Variants in MTF1 observed in about 807,000 individuals in gnomAD.
The protein encoded by MTF1 is MRE-binding transcription factor.
A neutral mutation model predicts 70.4 loss-of-function variants in MTF1; 22 were observed. That is an observed-to-expected ratio of 0.31 (90% confidence interval 0.22 to 0.45). The LOEUF is 0.45. MTF1 is among the 20% of genes least tolerant of loss of function. The pLI, the probability that MTF1 is intolerant of heterozygous loss-of-function variation, is 1.00. For missense variants in MTF1, 649 were observed against 922.0 expected (o/e 0.70, Z 3.83); for synonymous variants, 333 against 352.8 (o/e 0.94, Z 0.63).
Position 37,822,140 on chromosome 1 carries a change from G to A in MTF1, c.1748C>T (p.Pro583Leu), listed in dbSNP as rs1164170148. The A allele has an allele frequency of 6.2e-7, 1 of 1,603,002 alleles. No homozygotes were observed. Among genetic ancestry groups the A allele is most frequent in the South Asian group, 1.1e-5 (1 of 89,908 alleles). ...QWILNGATSSPQNQEQIQQAS... is the reference protein window; with the variant it reads ...QWILNGATSSLQNQEQIQQAS... ...ACTTACAATTTGTTCTTGGTTTTGT[G>A]GAGAACTGGTGGCACCATTTAATAT... The change falls in exon 9 of 11, where the codon CCA (proline) becomes CTA (leucine). Residue 583 changes from proline to leucine, a missense_variant. Physicochemically the swap from Pro to Leu is moderately conservative, Grantham distance 98 (BLOSUM62 -3). Transcript: ENST00000373036.
At chr1:37,856,491 ATTTC>A (rs1181019075) in intron 2 of MTF1, among the ~76,000 whole-genome samples, 2 of 135,470 alleles carry the variant, frequency 1.5e-5, no homozygotes, top group African/African-American at 5.4e-5. Context: ...CCCAGCCTGA[ATTTC>A]TTTCTTTTTT....
At chr1:37,847,161 C>A (rs1320608549) in intron 2 of MTF1, among the ~76,000 whole-genome samples, 1 of 152,212 alleles carries the variant, frequency 6.6e-6, no homozygotes, top group Non-Finnish European at 1.5e-5. Flanking sequence ...CACCTCAAAC[C>A]TTTACCCTTA....
rs774553805 is a variant in MTF1 at position 37,815,332 on chromosome 1, G to A, written c.2066C>T (p.Ser689Phe). Residue 689 changes from serine to phenylalanine, a missense_variant, in exon 11 of 11, where the codon TCT becomes TTT. By Grantham distance (155) the Ser-to-Phe change is radical. This residue lies in a region of MTF1 where 138 missense variants were observed against 134.4 expected (regional missense o/e 1.03). Coordinates refer to ENST00000373036, the MANE Select transcript of MTF1 (RefSeq NM_005955.3). This position sits in a 1 kb window ranked among gnomAD's most constrained non-coding sequence, Gnocchi z 4.5. ...TTGCTCACAGGAGGAGGGCAAGGTA[G>A]AGGATGATGACCCGGGAACAGGGGC... ...SSAPVPGSSS[S>F]TLPSSCEQSR... 6.2e-7 allele frequency: 1 copy of A among 1,614,152 alleles called. No individual in the cohort carries two copies. Among genetic ancestry groups the A allele is most frequent in the Non-Finnish European group, 8.5e-7 (1 of 1,180,042 alleles).
Position 37,813,637 on chromosome 1 carries a change from G to A in MTF1, c.*1499C>T, listed in dbSNP as rs1640770420. The A allele has an allele frequency of 6.6e-6, 1 of 152,270 alleles. No homozygotes were observed. The highest frequency in any genetic ancestry group is 1.5e-5 in the Non-Finnish European group (1 of 68,058). The allele number at this position is 152,270 out of a possible 1,614,324, so 9.4% of individuals were successfully genotyped here. On this transcript the variant is annotated 3_prime_UTR_variant, in exon 11 of 11. Transcript: ENST00000373036. ...CCTTGTTTGTGGAACACCACTCCTT[G>A]CTCAGGGCAAGGAAAGGGCTCTTGG...
At chr1:37,843,583 T>G (rs1641288817) in intron 2 of MTF1, among the ~76,000 whole-genome samples, 1 of 152,208 alleles carries the variant, frequency 6.6e-6, no homozygotes, top group African/African-American at 2.4e-5. Context: ...ACTAGTCACC[T>G]CTGCATGTTA....
intron 2 of MTF1, among the ~76,000 whole-genome samples, chr1:37,852,176 A>G (rs1219956738): frequency 6.6e-6 from 1 of 152,128 alleles, no homozygotes; most frequent in African/African-American, 2.4e-5. Flanking sequence ...TTAAATTCTC[A>G]GGCCAACTCT....
Position 37,857,443 on chromosome 1 carries a change from AGGCAAGTGTTCTCCGCACT to A in MTF1, c.197_215del (p.Gln66LeufsTer3). On this transcript the variant is annotated frameshift_variant, in exon 2 of 11. Transcript: ENST00000373036. LOFTEE classifies it high-confidence loss of function. ...AGCCCTCTTCACCCCCTACTAGAAA[AGGCAAGTGTTCTCCGCACT>A]GTCCGTCGTCATCTTCATCCTCCAA... is the stretch of plus-strand genomic sequence containing the variant. 6.2e-7 allele frequency: 1 copy of A among 1,614,168 alleles called. No individual in the cohort carries two copies. Among genetic ancestry groups the A allele is most frequent in the Non-Finnish European group, 8.5e-7 (1 of 1,180,028 alleles).
At chr1:37,843,327 T>C (rs1185433104) in intron 2 of MTF1, among the ~76,000 whole-genome samples, 1 of 151,996 alleles carries the variant, frequency 6.6e-6, no homozygotes, top group Middle Eastern at 3.2e-3. Flanking sequence ...AGTAAGTCAG[T>C]TCTTGAACAT....
In MTF1 at chr1:37,840,405, T is replaced by C; in HGVS notation, c.409-247A>G. ...TGTAGATGAATATTCTAAATGAACA[T>C]AAGAATGTTTTCAGACTCTATATAC... On this transcript the variant is annotated intron_variant, in intron 2 of 10. Coordinates refer to ENST00000373036, the MANE Select transcript of MTF1 (RefSeq NM_005955.3). This position sits in a 1 kb window ranked among gnomAD's most constrained non-coding sequence, Gnocchi z 4.5. 1.8e-6 allele frequency: 1 copy of C among 560,888 alleles called. No homozygotes were observed. Among genetic ancestry groups the C allele is most frequent in the Non-Finnish European group, 3.3e-6 (1 of 305,060 alleles). The allele number at this position is 560,888 out of a possible 1,614,324, so 34.7% of individuals were successfully genotyped here. A position where few individuals can be genotyped will look rare whatever the true frequency, so the allele number is the denominator to read the frequency against.
intron 2 of MTF1, among the ~76,000 whole-genome samples, chr1:37,853,340 C>T (rs769773388): frequency 3.9e-5 from 6 of 152,222 alleles, no homozygotes; most frequent in Non-Finnish European, 5.9e-5. Flanking sequence ...CCTTCTACTA[C>T]TATGTTCTAG....
At chr1:37,858,053 C>T (rs1641528372) in intron 1 of MTF1, among the ~76,000 whole-genome samples, 1 of 151,164 alleles carries the variant, frequency 6.6e-6, no homozygotes. Context: ...AAAAGCAATG[C>T]TTTTCAAAAA....
At chr1:37,819,294 A>G (rs1640873115) in intron 9 of MTF1, among the ~76,000 whole-genome samples, 1 of 152,248 alleles carries the variant, frequency 6.6e-6, no homozygotes, top group South Asian at 2.1e-4. Context: ...TGATGCACGT[A>G]GGACACTTGG....
At chr1:37,827,207 CT>C (rs1212154239) in intron 7 of MTF1, among the ~76,000 whole-genome samples, 1 of 151,760 alleles carries the variant, frequency 6.6e-6, no homozygotes, top group Non-Finnish European at 1.5e-5. Flanking sequence ...TTTTTCTATT[CT>C]ATTGATGTCT....
chr1:37,849,265 A>C (rs1414196611), intron 2 of MTF1, among the ~76,000 whole-genome samples: 1 of 152,072 alleles, frequency 6.6e-6, no homozygotes, highest in Non-Finnish European at 1.5e-5. Context: ...ATCTCTACTA[A>C]AAATACAAAA....
At position 37,810,062 on chromosome 1, in the gene MTF1, C is replaced by T. The variant is rs1434084727; in HGVS notation, c.*5074G>A. The T allele has an allele frequency of 2.0e-5, 3 of 152,244 alleles. No individual in the cohort carries two copies. Among genetic ancestry groups the T allele is most frequent in the African/African-American group, 7.2e-5 (3 of 41,392 alleles). 9.4% of individuals were successfully genotyped at this position (152,244 alleles called of 1,614,324 possible). ...AGTTCACAGGAAAAGGGAACAGACACCTTGAACTCTGACCCCCACCCCCAC... is the reference window on the plus strand; with the variant it reads ...AGTTCACAGGAAAAGGGAACAGACATCTTGAACTCTGACCCCCACCCCCAC... On this transcript the variant is annotated 3_prime_UTR_variant, in exon 11 of 11. Coordinates refer to ENST00000373036, the MANE Select transcript of MTF1 (RefSeq NM_005955.3).
At position 37,840,488 on chromosome 1, in the gene MTF1, T is replaced by G; in HGVS notation, c.409-330A>C. 1 of 477,220 alleles carries G rather than the reference T, an allele frequency of 2.1e-6. No homozygotes were observed. The highest frequency in any genetic ancestry group is 4.1e-6 in the Non-Finnish European group (1 of 241,150). The allele number at this position is 477,220 out of a possible 1,614,324, so 29.6% of individuals were successfully genotyped here. A position where few individuals can be genotyped will look rare whatever the true frequency, so the allele number is the denominator to read the frequency against. On this transcript the variant is annotated intron_variant, in intron 2 of 10. Coordinates refer to ENST00000373036, the MANE Select transcript of MTF1 (RefSeq NM_005955.3). This position sits in a 1 kb window ranked among gnomAD's most constrained non-coding sequence, Gnocchi z 4.5. Reference sequence around the variant, plus strand: ...AGCTACCTGTATTCAGATAAGATCTTAACTTTGTTTTAAGGCTTGACTAAA... The same window carrying G: ...AGCTACCTGTATTCAGATAAGATCTGAACTTTGTTTTAAGGCTTGACTAAA...
At chr1:37,839,770 T>C in intron 3 of MTF1, 150 bp downstream of exon 3, 2 of 653,092 alleles carry the variant, frequency 3.1e-6, no homozygotes, top group Non-Finnish European at 5.3e-6. Context: ...TTTTCTGAGA[T>C]CTGGCAGAAA....
At position 37,840,275 on chromosome 1, in the gene MTF1, T is replaced by C; in HGVS notation, c.409-117A>G. 1 of 909,814 alleles carries C rather than the reference T, an allele frequency of 1.1e-6. No individual in the cohort carries two copies. The highest frequency in any genetic ancestry group is 1.7e-6 in the Non-Finnish European group (1 of 581,314). 56.4% of individuals were successfully genotyped at this position (909,814 alleles called of 1,614,324 possible). ...GGACAATACAACTGGGTTTTCATCA[T>C]AAACACAGAAAACAGCCTCTAGCAG... On this transcript the variant is annotated intron_variant, in intron 2 of 10. Transcript: ENST00000373036. This position sits in a 1 kb window ranked among gnomAD's most constrained non-coding sequence, Gnocchi z 4.5.
intron 2 of MTF1, among the ~76,000 whole-genome samples, chr1:37,846,305 T>C (rs1641331159): frequency 6.6e-6 from 1 of 151,248 alleles, no homozygotes; most frequent in African/African-American, 2.4e-5. Flanking sequence ...CAGACTTCAG[T>C]GACCTTAGAA....
Sources: gnomAD v4.1 joint callset for allele counts (sites outside exome capture counted in the v4.1 genomes callset) on GRCh38, gnomAD v4.1.1 for gene constraint, gnomAD v4.1.1 regional missense constraint, Gnocchi (gnomAD v3.1) non-coding constraint, MANE v1.5 for transcripts, NCBI Gene and HGNC (gene_info 2026-07-23, HGNC 2026-07-21) for gene names.